The following ROBO2 variants were observed in gnomAD, a reference collection of about 807,000 sequenced individuals.
ROBO2 encodes roundabout homolog 2.
Under a neutral mutation model 160.8 loss-of-function variants are expected in ROBO2, and 53 were observed. That is an observed-to-expected ratio of 0.33 (90% CI 0.26 to 0.41). ROBO2 has a LOEUF of 0.41. Ranked by LOEUF, ROBO2 falls within the 10% of genes least tolerant of loss-of-function variation. The pLI, the probability that ROBO2 is intolerant of heterozygous loss-of-function variation, is 1.00. For missense variants in ROBO2, 1,577 were observed against 1,722.4 expected, an observed-to-expected ratio of 0.92 and a Z score of 1.49; for synonymous variants, 664 against 611.7, an observed-to-expected ratio of 1.09 and a Z score of -1.26.
intron 21 of ROBO2, among the ~76,000 whole-genome samples, chr3:77,610,104 C>A (rs1165179931): frequency 6.6e-6 from 1 of 151,186 alleles, no homozygotes; most frequent in African/African-American, 2.4e-5. Flanking sequence ...TTTTGATATT[C>A]TTTATACTTT....
chr3:77,152,007 A>C (rs1295088980), intron 2 of ROBO2, among the ~76,000 whole-genome samples: 3 of 152,126 alleles, frequency 2.0e-5, no homozygotes, highest in Non-Finnish European at 4.4e-5. Flanking sequence ...GTTTTACTAC[A>C]TTACTTGAAA....
intron 2 of ROBO2, among the ~76,000 whole-genome samples, chr3:76,952,269 C>CTATTTT (rs1025548210): frequency 1.3e-5 from 2 of 151,910 alleles, no homozygotes; most frequent in African/African-American, 2.4e-5. Flanking sequence ...GCATTGTAAC[C>CTATTTT]TATTTTTATT....
chr3:77,285,436 A>G (rs2060518671), intron 2 of ROBO2, among the ~76,000 whole-genome samples: 1 of 152,240 alleles, frequency 6.6e-6, no homozygotes, highest in African/African-American at 2.4e-5. Context: ...CCTCTCACTT[A>G]CACCAATCTT....
intron 2 of ROBO2, among the ~76,000 whole-genome samples, chr3:76,660,223 G>T (rs555432886): frequency 1.8e-3 from 275 of 152,282 alleles, no homozygotes; most frequent in African/African-American, 6.5e-3. Context: ...TGTATTTTCA[G>T]TGTACTTTAC....
intron 2 of ROBO2, among the ~76,000 whole-genome samples, chr3:77,227,587 T>C (rs2086642040): frequency 6.6e-6 from 1 of 152,196 alleles, no homozygotes; most frequent in African/African-American, 2.4e-5. Flanking sequence ...TAAAATGAAG[T>C]TGACTTTTTG....
chr3:76,448,944 G>A (rs1032854517), intron 2 of ROBO2, among the ~76,000 whole-genome samples: 2 of 152,140 alleles, frequency 1.3e-5, no homozygotes, highest in Non-Finnish European at 2.9e-5. Context: ...AGAAACAGCA[G>A]CTTTGAGACA....
chr3:77,419,552 C>CT (rs1161726372), intron 2 of ROBO2, among the ~76,000 whole-genome samples: 1 of 152,138 alleles, frequency 6.6e-6, no homozygotes, highest in East Asian at 1.9e-4. Flanking sequence ...AAATGGAACT[C>CT]TGTGTGGTGT....
chr3:77,274,741 G>A lies in ROBO2; in HGVS notation c.388+176401G>A, dbSNP rs181785759. Among the ~76,000 whole-genome samples, 24 of 152,046 alleles carry A rather than the reference G, an allele frequency of 1.6e-4. No homozygotes were observed. In the East Asian group the frequency reaches 2.3e-3, roughly 15 times the overall value. On this transcript the variant is annotated intron_variant, in intron 2 of 25. Coordinates refer to ENST00000461745, the Ensembl canonical transcript of ROBO2. ...TATACTTTGTAATAGGTACTTTCCC[G>A]CCCTCTGTGAAGAGTTTAAAAATCA...
chr3:76,284,046 G>T (rs1708383406), intron 2 of ROBO2, among the ~76,000 whole-genome samples: 1 of 151,848 alleles, frequency 6.6e-6, no homozygotes, highest in Non-Finnish European at 1.5e-5. Context: ...CATTCTAATT[G>T]CAGTGGCTTC....
At chr3:76,716,095 A>AT (rs35881524) in intron 2 of ROBO2, among the ~76,000 whole-genome samples, 69,421 of 152,008 alleles carry the variant, frequency 0.46, 16,498 homozygotes, top group Non-Finnish European at 0.53. Flanking sequence ...TAAGTTATGA[A>AT]TTTTTTGGTA....
chr3:76,348,839 A>G (rs149663029), intron 2 of ROBO2, among the ~76,000 whole-genome samples: 8 of 152,276 alleles, frequency 5.3e-5, no homozygotes, highest in African/African-American at 1.9e-4. Flanking sequence ...TGAATTAGCT[A>G]TATCATTGGA....
intron 2 of ROBO2, among the ~76,000 whole-genome samples, chr3:76,911,696 A>G (rs891541264): frequency 6.6e-5 from 10 of 152,350 alleles, no homozygotes; most frequent in African/African-American, 2.4e-4. Context: ...CTCAAAATTC[A>G]TAAATAAATT....
chr3:77,126,708 A>G (rs927794103), intron 2 of ROBO2, among the ~76,000 whole-genome samples: 9 of 149,144 alleles, frequency 6.0e-5, no homozygotes, highest in Admixed American at 5.4e-4. Context: ...ATATATATAT[A>G]TATATTTTTT....
At chr3:76,955,301 T>C (rs950299353) in intron 2 of ROBO2, among the ~76,000 whole-genome samples, 1 of 152,202 alleles carries the variant, frequency 6.6e-6, no homozygotes, top group African/African-American at 2.4e-5. Context: ...TTGGTTACTA[T>C]GAATAATGCT....
chr3:77,543,359 A>G (rs1466864730), intron 6 of ROBO2, among the ~76,000 whole-genome samples: 1 of 152,214 alleles, frequency 6.6e-6, no homozygotes, highest in Non-Finnish European at 1.5e-5. Flanking sequence ...AGAATGTATC[A>G]TCATTTTTCG....
At chr3:76,925,336 T>C (rs2076929065) in intron 2 of ROBO2, among the ~76,000 whole-genome samples, 1 of 152,204 alleles carries the variant, frequency 6.6e-6, no homozygotes, top group South Asian at 2.1e-4. Flanking sequence ...GCCTTTGGGA[T>C]ACTTCATATA....
chr3:77,619,084 C>G (rs1186118921), intron 22 of ROBO2, among the ~76,000 whole-genome samples: 1 of 152,126 alleles, frequency 6.6e-6, no homozygotes, highest in Non-Finnish European at 1.5e-5. Flanking sequence ...ATTCTGACTG[C>G]CATGATCTGG....
chr3:76,085,152 C>T (rs1036061153), intron 2 of ROBO2, among the ~76,000 whole-genome samples: 4 of 151,042 alleles, frequency 2.6e-5, no homozygotes, highest in Non-Finnish European at 4.4e-5. Flanking sequence ...TACGTATATA[C>T]ATATATGATA....
chr3:77,622,613 A>T (rs548824911), intron 23 of ROBO2, among the ~76,000 whole-genome samples, 181 bp downstream of exon 24: 1 of 152,340 alleles, frequency 6.6e-6, no homozygotes, highest in South Asian at 2.1e-4. Flanking sequence ...TTTGCTGCAA[A>T]AATGATAAGA....
Sources: allele counts gnomAD v4.1 joint callset (sites outside exome capture counted in the v4.1 genomes callset), GRCh38; gene constraint gnomAD v4.1.1; transcripts MANE v1.5; gene names NCBI Gene and HGNC (gene_info 2026-07-23, HGNC 2026-07-21).